The following RUNX1 variants were observed in gnomAD, a reference collection of about 807,000 sequenced individuals.
The protein encoded by RUNX1 is runt-related transcription factor 1.
A neutral mutation model predicts 42.8 loss-of-function variants in RUNX1; 19 were observed. The observed-to-expected ratio is 0.44, with a 90% CI of 0.31 to 0.65. The LOEUF is 0.65. Among genes scored for constraint, RUNX1 ranks in the 30% least tolerant of loss-of-function variants. The pLI, the probability that RUNX1 is intolerant of heterozygous loss-of-function variation, is 0.07. For missense variants in RUNX1, 528 were observed against 672.0 expected, an observed-to-expected ratio of 0.79 and a Z score of 2.37; for synonymous variants, 271 against 289.4, an observed-to-expected ratio of 0.94 and a Z score of 0.64.
intron 5 of RUNX1, among the ~76,000 whole-genome samples, chr21:34,879,642 T>C (rs537840307): frequency 6.6e-6 from 1 of 152,350 alleles, no homozygotes; most frequent in Admixed American, 6.5e-5. Context: ...AAATAACTTA[T>C]TTGTAAGCTT....
chr21:34,850,209 T>C (rs1053349750), intron 6 of RUNX1, among the ~76,000 whole-genome samples: 3 of 152,218 alleles, frequency 2.0e-5, no homozygotes, highest in African/African-American at 7.2e-5. Flanking sequence ...CTGAAAGCTG[T>C]GGGTCCATCC....
At chr21:34,840,307 T>C (rs186402808) in intron 6 of RUNX1, among the ~76,000 whole-genome samples, 33 of 152,286 alleles carry the variant, frequency 2.2e-4, no homozygotes, top group Admixed American at 1.7e-3. Context: ...TCCTCCCCTC[T>C]AGAGAAACAA....
chr21:34,813,100 T>G (rs961672664), intron 7 of RUNX1, among the ~76,000 whole-genome samples: 6 of 152,160 alleles, frequency 3.9e-5, no homozygotes, highest in Admixed American at 3.3e-4. Flanking sequence ...AACGGGTGAT[T>G]TCTCCTCCAG....
intron 6 of RUNX1, among the ~76,000 whole-genome samples, chr21:34,839,805 T>C (rs528622683): frequency 5.3e-5 from 8 of 152,312 alleles, no homozygotes; most frequent in Admixed American, 5.2e-4. Flanking sequence ...GAGCTCCTCC[T>C]GATACTCAAG....
intron 2 of RUNX1, among the ~76,000 whole-genome samples, chr21:34,896,946 T>C (rs1371817501): frequency 6.6e-6 from 1 of 151,982 alleles, no homozygotes; most frequent in Non-Finnish European, 1.5e-5. Context: ...ACTGGTGAGG[T>C]AGCAGGAGGA....
intron 2 of RUNX1, among the ~76,000 whole-genome samples, chr21:34,971,953 A>C (rs115581264): frequency 0.021 from 3,214 of 152,262 alleles, 120 homozygotes; most frequent in African/African-American, 0.073. Flanking sequence ...GATTTTAATG[A>C]CCCTTTGCAG....
chr21:34,880,706 G>T lies in RUNX1; in HGVS notation c.359C>A (p.Ala120Asp), dbSNP rs2057890025. 6.2e-7 allele frequency: 1 copy of T among 1,614,020 alleles called. No homozygotes were observed. Among genetic ancestry groups the T allele is most frequent in the Non-Finnish European group, 8.5e-7 (1 of 1,179,976 alleles). Residue 120 changes from alanine to aspartate, a missense_variant, in exon 5 of 9, where the codon GCC becomes GAC. Ala to Asp is a moderately radical substitution (Grantham distance 126). Around this residue, in one of 3 missense-constraint regions of RUNX1, gnomAD observed 83 missense variants for 174.5 expected, o/e 0.48. Coordinates refer to ENST00000675419, the MANE Select transcript of RUNX1 (RefSeq NM_001754.5). ...KTLPIAFKVV[A>D]LGDVPDGTLV... The stretch of plus-strand genomic sequence containing the variant: ...AGTGCCATCTGGAACATCCCCTAGG[G>T]CCACCACCTAAACACCAGTCAAAGG...
At chr21:34,977,309 A>G (rs1326921177) in intron 2 of RUNX1, among the ~76,000 whole-genome samples, 1 of 152,224 alleles carries the variant, frequency 6.6e-6, no homozygotes, top group Non-Finnish European at 1.5e-5. Flanking sequence ...TATAATAATA[A>G]TTGGTGAACT....
At chr21:34,847,462 G>A (rs933963710) in intron 6 of RUNX1, among the ~76,000 whole-genome samples, 3 of 140,594 alleles carry the variant, frequency 2.1e-5, no homozygotes, top group Non-Finnish European at 4.7e-5. Context: ...TTTTAATATA[G>A]TACATGCAAA....
intron 2 of RUNX1, among the ~76,000 whole-genome samples, chr21:35,024,836 A>G (rs1040918885): frequency 3.9e-5 from 6 of 152,216 alleles, no homozygotes; most frequent in African/African-American, 1.4e-4. Context: ...AATGGTGCAT[A>G]TGCTTTAGAA....
At chr21:34,867,917 G>A (rs1465425236) in intron 5 of RUNX1, among the ~76,000 whole-genome samples, 1 of 152,122 alleles carries the variant, frequency 6.6e-6, no homozygotes, top group African/African-American at 2.4e-5. Context: ...CAGGGCAAGT[G>A]ACCAAAGTGA....
chr21:34,849,392 A>T (rs1186450399), intron 6 of RUNX1, among the ~76,000 whole-genome samples: 2 of 50,280 alleles, frequency 4.0e-5, no homozygotes, highest in Non-Finnish European at 7.1e-5. Flanking sequence ...TAGTATATAT[A>T]ATATATTATA....
chr21:34,994,768 C>T (rs2058980648), intron 2 of RUNX1, among the ~76,000 whole-genome samples: 1 of 152,210 alleles, frequency 6.6e-6, no homozygotes, highest in African/African-American at 2.4e-5. Flanking sequence ...GACTCATACA[C>T]ATATATGCAG....
At chr21:34,825,394 G>A (rs182900404) in intron 7 of RUNX1, among the ~76,000 whole-genome samples, 59 of 152,220 alleles carry the variant, frequency 3.9e-4, no homozygotes, top group Admixed American at 1.8e-3. Context: ...TGATTCCATC[G>A]GTATAGGTGC....
chr21:34,915,938 C>T, intron 2 of RUNX1, among the ~76,000 whole-genome samples: 1 of 152,110 alleles, frequency 6.6e-6, no homozygotes, highest in Non-Finnish European at 1.5e-5. Context: ...AGGTTGTCTT[C>T]TTAACTCTTT....
chr21:34,971,584 T>C (rs1480199529), intron 2 of RUNX1, among the ~76,000 whole-genome samples: 1 of 152,106 alleles, frequency 6.6e-6, no homozygotes. Flanking sequence ...CTTCCATCAT[T>C]TATTATGTAT....
chr21:34,907,481 A>G lies in RUNX1; in HGVS notation c.59-14518T>C, dbSNP rs2058232045. Among the ~76,000 whole-genome samples, 2 of 152,154 alleles carry G rather than the reference A, an allele frequency of 1.3e-5. No individual in the cohort carries two copies. Among genetic ancestry groups the G allele is most frequent in the African/African-American group, 4.8e-5 (2 of 41,424 alleles). On this transcript the variant is annotated intron_variant, in intron 2 of 8. Transcript: ENST00000675419. The surrounding 1 kb of genome is among the most constrained non-coding windows in gnomAD (Gnocchi z 5.3). ...TTTTTTGATTGATGTATCTCCCCTG[A>G]GCCCTGGCATACTATTTACTTCTTA...
intron 2 of RUNX1, among the ~76,000 whole-genome samples, chr21:35,013,473 AC>A (rs1440726270): frequency 6.6e-6 from 1 of 152,258 alleles, no homozygotes; most frequent in Non-Finnish European, 1.5e-5. Context: ...AGAAGTTATT[AC>A]GAGAGGTGAA....
In RUNX1 at chr21:34,887,041, C is replaced by A. The variant is rs780977528; in HGVS notation, c.153G>T (p.Lys51Asn). 1.9e-6 allele frequency: 3 copies of A among 1,601,258 alleles called. No homozygotes were observed. The South Asian group carries it at 3.3e-5, about 18-fold the overall frequency. The stretch of plus-strand genomic sequence containing the variant: ...CGCCCAGCGGCAACGCCTCGCTCAT[C>A]TTGCCTGGGCTCAGCGCGGTGGAAG... Reference protein sequence around the residue: ...TPPSTALSPGKMSEALPLGAP... With the variant: ...TPPSTALSPGNMSEALPLGAP... The change falls in exon 4 of 9, where the codon AAG becomes AAT. Residue 51 changes from lysine (K) to asparagine (N), a missense_variant. This residue lies in a region of RUNX1 where 114 missense variants were observed against 115.0 expected (regional missense o/e 0.99). Coordinates refer to ENST00000675419, the MANE Select transcript of RUNX1 (RefSeq NM_001754.5).
Sources: gnomAD v4.1 joint callset for allele counts (sites outside exome capture counted in the v4.1 genomes callset) on GRCh38, gnomAD v4.1.1 for gene constraint, gnomAD v4.1.1 regional missense constraint, Gnocchi (gnomAD v3.1) non-coding constraint, MANE v1.5 for transcripts, NCBI Gene and HGNC (gene_info 2026-07-23, HGNC 2026-07-21) for gene names.